Variants in ATG7 observed in about 807,000 individuals in gnomAD.
ATG7 encodes the protein autophagy related 7.
Under a neutral mutation model 82.4 loss-of-function variants are expected in ATG7, and 70 were observed. That is an observed-to-expected ratio of 0.85 (90% CI 0.70 to 1.04). The LOEUF is 1.04. Among genes scored for constraint, ATG7 ranks in the 50% least tolerant of loss-of-function variants. The pLI, the probability that ATG7 is intolerant of heterozygous loss-of-function variation, is 0.00. For missense variants in ATG7, 792 were observed against 864.3 expected, an observed-to-expected ratio of 0.92 and a Z score of 1.05; for synonymous variants, 287 against 313.0, an observed-to-expected ratio of 0.92 and a Z score of 0.88.
At chr3:11,447,354 C>A (rs933917051) in intron 20 of ATG7, among the ~76,000 whole-genome samples, 1 of 151,852 alleles carries the variant, frequency 6.6e-6, no homozygotes, top group Non-Finnish European at 1.5e-5. Context: ...GTAATCCCAA[C>A]TACTCAGGAG....
At chr3:11,434,451 C>G (rs774926495) in intron 20 of ATG7, among the ~76,000 whole-genome samples, 1 of 152,166 alleles carries the variant, frequency 6.6e-6, no homozygotes, top group African/African-American at 2.4e-5. Flanking sequence ...GGACTGTGCC[C>G]TGCCTTGATT....
intron 1 of ATG7, chr3:11,272,754 G>A (rs542015555): frequency 6.6e-6 from 1 of 152,366 alleles, no homozygotes; most frequent in South Asian, 2.1e-4. Flanking sequence ...CGGGAGATGG[G>A]ACATTTGGAT....
rs71626995 is a variant in ATG7, at chr3:11,277,891, A to ACCCCCCCCCC, written c.-365-3099_-365-3090dup. ...ACACTCCCAGAGCGGCCCTTTATAG[A>ACCCCCCCCCC]CCCCCCCCCCCCCACCAGGAATGCA... On this transcript the variant is annotated intron_variant, in intron 1 of 20. Transcript: ENST00000693202. Among the ~76,000 whole-genome samples, 49 of 60,768 alleles carry ACCCCCCCCCC rather than the reference A, an allele frequency of 8.1e-4. 2 individuals are homozygous for ACCCCCCCCCC. The highest frequency in any genetic ancestry group is 1.4e-3 in the African/African-American group (20 of 14,682). The allele number at this position is 60,768 out of a possible 152,430, so 39.9% of individuals were successfully genotyped here.
chr3:11,433,348 T>G (rs2083082329), intron 20 of ATG7, among the ~76,000 whole-genome samples: 1 of 129,212 alleles, frequency 7.7e-6, no homozygotes, highest in African/African-American at 2.9e-5. Flanking sequence ...TCAGTCTAAA[T>G]CAAACATATG....
rs140255841 is a variant in ATG7 at position 11,288,557 on chromosome 3, T to C, written c.-11+6119T>C. 4 of 152,314 alleles carry C rather than the reference T, an allele frequency of 2.6e-5. No individual in the cohort carries two copies. The East Asian group carries it at 7.7e-4, about 29-fold the overall frequency. 9.4% of individuals were successfully genotyped at this position (152,314 alleles called of 1,614,324 possible). The stretch of plus-strand genomic sequence containing the variant: ...AATTATTTTAGTTATTTCTGTATTG[T>C]TTTATATACATAATACAAACTTTAA... On this transcript the variant is annotated intron_variant, in intron 3 of 20. Transcript: ENST00000693202.
intron 20 of ATG7, among the ~76,000 whole-genome samples, chr3:11,474,604 T>G (rs1313990652): frequency 2.0e-5 from 3 of 151,968 alleles, no homozygotes; most frequent in Non-Finnish European, 4.4e-5. Context: ...TATCTCCCCA[T>G]CTCAAAAAAA....
chr3:11,387,633 A>G (rs1271943347), intron 19 of ATG7, among the ~76,000 whole-genome samples: 1 of 152,116 alleles, frequency 6.6e-6, no homozygotes, highest in Admixed American at 6.6e-5. Context: ...TGAGTCATGG[A>G]TTGTGTTCAG....
chr3:11,525,497 G>T (rs2092555593), intron 20 of ATG7, among the ~76,000 whole-genome samples: 1 of 133,508 alleles, frequency 7.5e-6, no homozygotes, highest in Non-Finnish European at 1.6e-5. Flanking sequence ...TGTGACAGAT[G>T]CTCATTTGTT....
In ATG7 at chr3:11,308,966, C is replaced by T. The variant is rs1365990322; in HGVS notation, c.334-18C>T. Reference sequence around the variant, plus strand: ...AGATGCCTGGTAACCTGCCTTGATGCTTTTCTTCTTCTTGCAGATATGGGA... The same window carrying T: ...AGATGCCTGGTAACCTGCCTTGATGTTTTTCTTCTTCTTGCAGATATGGGA... On this transcript the variant is annotated intron_variant, in intron 6 of 20. Transcript: ENST00000693202. 1.2e-6 allele frequency: 2 copies of T among 1,609,256 alleles called. No homozygotes were observed. The highest frequency in any genetic ancestry group is 1.3e-5 in the African/African-American group (1 of 74,954).
At chr3:11,450,504 A>G (rs2085008080) in intron 20 of ATG7, among the ~76,000 whole-genome samples, 1 of 152,212 alleles carries the variant, frequency 6.6e-6, no homozygotes, top group Non-Finnish European at 1.5e-5. Context: ...AAGCAAGGTC[A>G]CAAGAGATCA....
At chr3:11,298,989 T>G (rs1366687992) in intron 4 of ATG7, 134 bp downstream of exon 4, 1 of 1,002,340 alleles carries the variant, frequency 1.0e-6, no homozygotes, top group African/African-American at 1.6e-5. Context: ...TCTATTTTAC[T>G]TCCTGACTTT....
intron 20 of ATG7, among the ~76,000 whole-genome samples, chr3:11,480,353 A>G (rs1222095782): frequency 2.6e-5 from 4 of 152,120 alleles, no homozygotes; most frequent in Admixed American, 1.3e-4. Context: ...GCTGGGCAAC[A>G]CAGCAAGACC....
rs117529977 is a variant in ATG7 at position 11,364,608 on chromosome 3, A to G, written c.1800-51A>G. The G allele has an allele frequency of 1.7e-5, 26 of 1,570,360 alleles. No homozygotes were observed. In the East Asian group the frequency reaches 5.6e-4, roughly 34 times the overall value. On this transcript the variant is annotated intron_variant, in intron 17 of 20. Coordinates refer to ENST00000693202, the MANE Select transcript of ATG7 (RefSeq NM_001349232.2). ...TAGATTTCTGCTAGATCATCCTCCC[A>G]TGTGTTAAACTTGGATTAAATGAGC...
At chr3:11,532,500 A>T (rs1461221020) in intron 20 of ATG7, among the ~76,000 whole-genome samples, 1 of 152,106 alleles carries the variant, frequency 6.6e-6, no homozygotes, top group African/African-American at 2.4e-5. Flanking sequence ...AGGTAGGAGG[A>T]TTGCTTGAGC....
intron 19 of ATG7, among the ~76,000 whole-genome samples, chr3:11,384,203 A>G (rs2078139770): frequency 6.6e-6 from 1 of 152,250 alleles, no homozygotes; most frequent in Non-Finnish European, 1.5e-5. Flanking sequence ...AGGACTGTGC[A>G]GGAGGAGACT....
chr3:11,442,846 A>G (rs1035322143), intron 20 of ATG7, among the ~76,000 whole-genome samples: 2 of 151,250 alleles, frequency 1.3e-5, no homozygotes, highest in Non-Finnish European at 2.9e-5. Flanking sequence ...GCTAGAGCCC[A>G]GGAGTTCGAG....
intron 20 of ATG7, among the ~76,000 whole-genome samples, chr3:11,433,166 C>T (rs2083058934): frequency 6.6e-6 from 1 of 151,870 alleles, no homozygotes; most frequent in African/African-American, 2.4e-5. Flanking sequence ...TGGTGACACA[C>T]CAGCTACTTA....
At chr3:11,370,849 AGTTTT>A (rs1461915999) in intron 18 of ATG7, among the ~76,000 whole-genome samples, 1 of 150,278 alleles carries the variant, frequency 6.7e-6, no homozygotes, top group Non-Finnish European at 1.5e-5. Flanking sequence ...TTTGTTCGGG[AGTTTT>A]GTTTTTTTTT....
intron 3 of ATG7, chr3:11,290,532 C>A: frequency 2.7e-6 from 1 of 371,230 alleles, no homozygotes; most frequent in Non-Finnish European, 5.3e-6. Flanking sequence ...CTTCTCCTTC[C>A]TCTTCTCCTC....
Sources: allele counts gnomAD v4.1 joint callset (sites outside exome capture counted in the v4.1 genomes callset), GRCh38; gene constraint gnomAD v4.1.1; transcripts MANE v1.5; gene names NCBI Gene and HGNC (gene_info 2026-07-23, HGNC 2026-07-21).